Variants in COL22A1 observed in about 807,000 individuals in gnomAD.
The protein encoded by COL22A1 is collagen alpha-1(XXII) chain.
COL22A1 carries 221 observed loss-of-function variants against 248.9 expected under a neutral mutation model. That is an observed-to-expected ratio of 0.89 (90% CI 0.80 to 0.99). The LOEUF is 0.99. COL22A1 is among the 50% of genes least tolerant of loss of function. COL22A1 has a pLI of 0.00. For synonymous variants in COL22A1, 891 were observed against 793.4 expected (o/e 1.12, Z -2.07); for missense variants, 2,240 against 2,179.0 (o/e 1.03, Z -0.56).
At chr8:138,642,403 A>C (rs775582187) in intron 47 of COL22A1, among the ~76,000 whole-genome samples, 22 of 152,228 alleles carry the variant, frequency 1.4e-4, no homozygotes, top group Non-Finnish European at 2.6e-4. Flanking sequence ...TGCCCAACGC[A>C]ACTGCCTGGG....
intron 7 of COL22A1, among the ~76,000 whole-genome samples, chr8:138,816,239 A>C (rs1366212268): frequency 6.6e-6 from 1 of 152,126 alleles, no homozygotes; most frequent in African/African-American, 2.4e-5. Context: ...AGGCGTTCTC[A>C]GGTGGGGTGA....
At chr8:138,808,304 C>T (rs1290483863) in intron 9 of COL22A1, among the ~76,000 whole-genome samples, 1 of 152,156 alleles carries the variant, frequency 6.6e-6, no homozygotes, top group Non-Finnish European at 1.5e-5. Context: ...TGTATTATGA[C>T]ATCACTTTGT....
intron 57 of COL22A1, among the ~76,000 whole-genome samples, chr8:138,607,429 T>A (rs768581010): frequency 6.6e-5 from 10 of 152,142 alleles, no homozygotes; most frequent in Non-Finnish European, 1.5e-4. Flanking sequence ...AAATCCTGTA[T>A]TTGATATCTA....
At chr8:138,788,795 A>G (rs191508030) in intron 12 of COL22A1, among the ~76,000 whole-genome samples, 1 of 152,364 alleles carries the variant, frequency 6.6e-6, no homozygotes, top group East Asian at 1.9e-4. Context: ...AACGTTTATG[A>G]GCACTTTTTA....
chr8:138,615,632 G>T (rs60893014), intron 55 of COL22A1, among the ~76,000 whole-genome samples: 2 of 151,992 alleles, frequency 1.3e-5, no homozygotes, highest in Non-Finnish European at 2.9e-5. Flanking sequence ...CACAGCACAC[G>T]GTGGTGGCGG....
intron 50 of COL22A1, among the ~76,000 whole-genome samples, chr8:138,630,363 C>A (rs891878292): frequency 6.6e-6 from 1 of 152,226 alleles, no homozygotes; most frequent in East Asian, 1.9e-4. Flanking sequence ...CACTTCCCTG[C>A]ACCTGCTCAA....
In COL22A1 at chr8:138,630,651, C is replaced by T. The variant is rs773613945; in HGVS notation, c.3663+44G>A. 8 of 1,578,360 alleles carry T rather than the reference C, an allele frequency of 5.1e-6. No individual in the cohort carries two copies. In the Admixed American group the frequency reaches 8.3e-5, roughly 16 times the overall value. On this transcript the variant is annotated intron_variant, in intron 50 of 64. Coordinates refer to ENST00000303045, the MANE Select transcript of COL22A1 (RefSeq NM_152888.3). ...GCAAACACCTGGGGTTCCAGAAAGG[C>T]TAAAGACAGATTAAAAACAGATCCC...
intron 30 of COL22A1, among the ~76,000 whole-genome samples, chr8:138,714,095 C>T (rs1829244013): frequency 6.6e-6 from 1 of 152,142 alleles, no homozygotes; most frequent in East Asian, 1.9e-4. Context: ...TTAAAAAGTG[C>T]ATTCTTCCTC....
chr8:138,669,033 C>T (rs1824776841), intron 41 of COL22A1, among the ~76,000 whole-genome samples: 1 of 152,124 alleles, frequency 6.6e-6, no homozygotes, highest in Non-Finnish European at 1.5e-5. Flanking sequence ...AGCAGGGGTG[C>T]CTCCAGGAAT....
chr8:138,790,489 G>A (rs998769656), intron 12 of COL22A1, among the ~76,000 whole-genome samples: 2 of 152,188 alleles, frequency 1.3e-5, no homozygotes, highest in Admixed American at 6.5e-5. Context: ...CTCTGGGAGA[G>A]AGGCTCCAGG....
chr8:138,639,013 A>G (rs970577912), intron 47 of COL22A1, among the ~76,000 whole-genome samples: 3 of 152,192 alleles, frequency 2.0e-5, no homozygotes, highest in Non-Finnish European at 2.9e-5. Flanking sequence ...GGGCGCTGAC[A>G]TTTACAGAGC....
intron 53 of COL22A1, among the ~76,000 whole-genome samples, chr8:138,618,805 G>A (rs1021211659): frequency 7.2e-5 from 11 of 152,186 alleles, no homozygotes; most frequent in Admixed American, 6.5e-4. Flanking sequence ...ATGAAGAGGT[G>A]AAACATTTAG....
chr8:138,888,615 T>C (rs751538716), intron 1 of COL22A1, among the ~76,000 whole-genome samples: 4 of 152,164 alleles, frequency 2.6e-5, no homozygotes, highest in African/African-American at 4.8e-5. Context: ...CAGGGTATAA[T>C]AGTCTGAATG....
intron 41 of COL22A1, among the ~76,000 whole-genome samples, chr8:138,664,476 T>C (rs1191015996): frequency 6.6e-6 from 1 of 152,140 alleles, no homozygotes; most frequent in African/African-American, 2.4e-5. Flanking sequence ...CCTGCCTTTC[T>C]GCCTGGAAAC....
At chr8:138,909,558 A>T (rs6983070) in intron 1 of COL22A1, among the ~76,000 whole-genome samples, 81,718 of 148,726 alleles carry the variant, frequency 0.55, 23,210 homozygotes, top group East Asian at 0.84. Flanking sequence ...TGATTTTTTT[A>T]AAAAAACTTA....
chr8:138,822,212 C>T (rs150283206), intron 6 of COL22A1, among the ~76,000 whole-genome samples: 10 of 152,126 alleles, frequency 6.6e-5, no homozygotes, highest in African/African-American at 2.2e-4. Context: ...ACCACACTCA[C>T]CTAATTTTTG....
chr8:138,716,856 T>G lies in COL22A1; in HGVS notation c.2369A>C (p.Glu790Ala), dbSNP rs148507748. 3 of 1,611,750 alleles carry G rather than the reference T, an allele frequency of 1.9e-6. No individual in the cohort carries two copies. Among genetic ancestry groups the G allele is most frequent in the African/African-American group, 1.3e-5 (1 of 74,986 alleles). ...GKPGLRGEIG[E>A]QGLAGRPGEK... ...TCCAGGTCGGCCTGCCAGGCCCTGC[T>G]CCCCAATTTCTCCCTGAAAATGCAA... The change falls in exon 28 of 65, where the codon GAG (glutamate) becomes GCG (alanine). Residue 790 changes from glutamate to alanine, a missense_variant. Glu to Ala is a moderately radical substitution (Grantham distance 107). Transcript: ENST00000303045.
chr8:138,840,469 A>C lies in COL22A1; in HGVS notation c.733+3615T>G, dbSNP rs79729950. ...CCCGGTCACCAAACAGACTCTTTGAAAGGATCCTCCACATATGTCGTAGAC... is the reference window on the plus strand; with the variant it reads ...CCCGGTCACCAAACAGACTCTTTGACAGGATCCTCCACATATGTCGTAGAC... On this transcript the variant is annotated intron_variant, in intron 4 of 64. Coordinates refer to ENST00000303045, the MANE Select transcript of COL22A1 (RefSeq NM_152888.3). Among the ~76,000 whole-genome samples, 748 of 152,042 alleles carry C rather than the reference A, an allele frequency of 4.9e-3. 38 individuals are homozygous for C. In the East Asian group the frequency reaches 0.11, roughly 23 times the overall value.
rs193180617 is a variant in COL22A1, at chr8:138,881,226, T to C, written c.91+1856A>G. 2.2e-4 allele frequency among the ~76,000 whole-genome samples: 33 copies of C among 151,782 alleles called. No individual in the cohort carries two copies. In the East Asian group the frequency reaches 6.5e-3, roughly 30 times the overall value. On this transcript the variant is annotated intron_variant, in intron 2 of 64. Coordinates refer to ENST00000303045, the MANE Select transcript of COL22A1 (RefSeq NM_152888.3). ...TGGCTAGATGGGCACAGAAATCTCA[T>C]GTTCCCTGCGTATAAAACAGGATGT...
Sources: allele counts gnomAD v4.1 joint callset (sites outside exome capture counted in the v4.1 genomes callset), GRCh38; gene constraint gnomAD v4.1.1; transcripts MANE v1.5; gene names NCBI Gene and HGNC (gene_info 2026-07-23, HGNC 2026-07-21).